SORBS2: variants seen among roughly 807,000 people sequenced by gnomAD.
SORBS2 encodes the protein sorbin and SH3 domain containing 2.
In SORBS2, 46 loss-of-function variants were observed where a neutral mutation model predicts 97.7. The ratio of observed to expected loss-of-function variants is 0.47; its 90% CI spans 0.37 to 0.60. SORBS2 has a LOEUF of 0.60. SORBS2 is among the 20% of genes least tolerant of loss of function. The pLI is 0.00. For missense variants in SORBS2, 1,316 were observed against 1,282.3 expected, an observed-to-expected ratio of 1.03 and a Z score of -0.40; for synonymous variants, 476 against 473.4, an observed-to-expected ratio of 1.01 and a Z score of -0.07.
intron 2 of SORBS2, chr4:185,757,128 G>A: frequency 2.1e-6 from 1 of 475,804 alleles, no homozygotes; most frequent in Non-Finnish European, 3.9e-6. Context: ...ACTGTCCACT[G>A]TAGGGGTTCC....
chr4:185,720,568 C>G (rs2098504819), intron 2 of SORBS2, among the ~76,000 whole-genome samples: 1 of 152,098 alleles, frequency 6.6e-6, no homozygotes, highest in South Asian at 2.1e-4. Flanking sequence ...CTCCCTCCCT[C>G]TCTCCCTTTC....
intron 2 of SORBS2, among the ~76,000 whole-genome samples, chr4:185,716,290 C>A (rs1390841683): frequency 6.6e-6 from 1 of 152,222 alleles, no homozygotes; most frequent in Non-Finnish European, 1.5e-5. Context: ...CCAGATGGAT[C>A]ACTTCAGAAA....
intron 7 of SORBS2, among the ~76,000 whole-genome samples, chr4:185,621,425 T>C (rs1469868912): frequency 6.6e-6 from 1 of 152,180 alleles, no homozygotes; most frequent in Admixed American, 6.5e-5. Flanking sequence ...AAGTTACGTT[T>C]CAAAAATGTA....
At chr4:185,694,690 C>A (rs893811205) in intron 2 of SORBS2, among the ~76,000 whole-genome samples, 3 of 129,034 alleles carry the variant, frequency 2.3e-5, no homozygotes, top group Non-Finnish European at 5.0e-5. Flanking sequence ...TTTTCTTTTT[C>A]TTTTTCCTTT....
intron 1 of SORBS2, among the ~76,000 whole-genome samples, chr4:185,805,102 G>A (rs1418144644): frequency 2.0e-5 from 3 of 152,014 alleles, no homozygotes; most frequent in Non-Finnish European, 4.4e-5. Flanking sequence ...ATTGAGATTA[G>A]AAATCAGTTT....
chr4:185,737,337 G>C (rs1252920252), intron 2 of SORBS2, among the ~76,000 whole-genome samples: 1 of 151,168 alleles, frequency 6.6e-6, no homozygotes, highest in Non-Finnish European at 1.5e-5. Context: ...TGGAGAGCAG[G>C]TGGTCTCCCG....
intron 4 of SORBS2, among the ~76,000 whole-genome samples, chr4:185,641,953 G>T (rs529689631): frequency 1.3e-5 from 2 of 152,192 alleles, no homozygotes; most frequent in African/African-American, 4.8e-5. Context: ...TGCTTTTGTG[G>T]TTATCGAGAT....
At chr4:185,682,819 T>C (rs929780143) in intron 2 of SORBS2, among the ~76,000 whole-genome samples, 1 of 151,966 alleles carries the variant, frequency 6.6e-6, no homozygotes, top group Non-Finnish European at 1.5e-5. Flanking sequence ...GAGACCAGCC[T>C]GGCCAACATG....
At chr4:185,846,817 G>A (rs965465143) in intron 1 of SORBS2, among the ~76,000 whole-genome samples, 2 of 152,158 alleles carry the variant, frequency 1.3e-5, no homozygotes, top group African/African-American at 4.8e-5. Context: ...GGGAGAGAGG[G>A]GGAAGGGGGA....
chr4:185,867,765 C>G (rs535092077), intron 1 of SORBS2, among the ~76,000 whole-genome samples: 1 of 152,236 alleles, frequency 6.6e-6, no homozygotes, highest in African/African-American at 2.4e-5. Context: ...TATCGACTCT[C>G]TCTAAATTAC....
intron 1 of SORBS2, among the ~76,000 whole-genome samples, chr4:185,910,641 T>C (rs1487885165): frequency 1.3e-5 from 2 of 151,946 alleles, no homozygotes; most frequent in Admixed American, 6.6e-5. Context: ...TCAGCCTCCT[T>C]AGCTCAACCT....
chr4:185,853,013 A>C (rs868095619), intron 1 of SORBS2, among the ~76,000 whole-genome samples: 17 of 152,114 alleles, frequency 1.1e-4, no homozygotes, highest in Non-Finnish European at 2.1e-4. Flanking sequence ...AAGTGATGGG[A>C]GTGGGTTAGT....
intron 2 of SORBS2, among the ~76,000 whole-genome samples, chr4:185,688,492 T>TGATGATA (rs749222117): frequency 0.025 from 2,846 of 114,290 alleles, 92 homozygotes; most frequent in African/African-American, 0.079. Flanking sequence ...ATCTGTCTAT[T>TGATGATA]GATAGATAGA....
At chr4:185,937,656 G>A (rs1049372134) in intron 1 of SORBS2, among the ~76,000 whole-genome samples, 2 of 152,112 alleles carry the variant, frequency 1.3e-5, no homozygotes, top group Admixed American at 1.3e-4. Context: ...CTCCTGATTC[G>A]AAAGCTCACC....
At chr4:185,804,688 G>A (rs539089129) in intron 1 of SORBS2, among the ~76,000 whole-genome samples, 1 of 152,148 alleles carries the variant, frequency 6.6e-6, no homozygotes, top group Admixed American at 6.5e-5. Context: ...AGCAAGTACA[G>A]AGTGAAATCT....
intron 2 of SORBS2, chr4:185,757,434 A>C (rs895041791): frequency 6.6e-6 from 1 of 152,604 alleles, no homozygotes; most frequent in Non-Finnish European, 1.5e-5. Context: ...TTACCTGTAC[A>C]TTTCTAACTT....
At chr4:185,924,095 A>C (rs1271407127) in intron 1 of SORBS2, among the ~76,000 whole-genome samples, 1 of 152,212 alleles carries the variant, frequency 6.6e-6, no homozygotes, top group African/African-American at 2.4e-5. Flanking sequence ...TGTGACATGA[A>C]TGAATGAGTG....
At chr4:185,769,651 C>T (rs923759699) in intron 2 of SORBS2, among the ~76,000 whole-genome samples, 3 of 151,918 alleles carry the variant, frequency 2.0e-5, no homozygotes, top group South Asian at 4.2e-4. Context: ...CCACCATGCC[C>T]GGCTAATTTT....
chr4:185,836,426 A>G (rs2099208098), intron 1 of SORBS2, among the ~76,000 whole-genome samples: 1 of 152,368 alleles, frequency 6.6e-6, no homozygotes, highest in East Asian at 1.9e-4. Flanking sequence ...GACAATAGTG[A>G]TTAGAAGGAC....
Sources: allele counts gnomAD v4.1 joint callset (sites outside exome capture counted in the v4.1 genomes callset), GRCh38; gene constraint gnomAD v4.1.1; transcripts MANE v1.5; gene names NCBI Gene and HGNC (gene_info 2026-07-23, HGNC 2026-07-21).